C19orf12: variants seen among roughly 807,000 people sequenced by gnomAD.
C19orf12 encodes protein C19orf12.
Under a neutral mutation model 3.8 loss-of-function variants are expected in C19orf12, and 2 were observed. That is an observed-to-expected ratio of 0.53 (90% CI 0.22 to 1.66). The LOEUF (loss-of-function observed/expected upper bound fraction) is 1.66. C19orf12 is among the 40% of genes most tolerant of loss of function. The probability of loss-of-function intolerance (pLI) is 0.20; values close to 1 mark genes in which losing one functional copy is unlikely to be tolerated. For synonymous variants in C19orf12, 89 were observed against 84.6 expected, an observed-to-expected ratio of 1.05 and a Z score of -0.28; for missense variants, 156 against 188.8, an observed-to-expected ratio of 0.83 and a Z score of 1.02.
Position 29,708,276 on chromosome 19 carries a change from G to A in C19orf12, c.138C>T (p.Gly46=), listed in dbSNP as rs552916460. The change falls in exon 2 of 3, where the codon GGC becomes GGT. Residue 46 remains glycine (G), a synonymous_variant. Coordinates refer to ENST00000323670, the MANE Select transcript of C19orf12 (RefSeq NM_031448.6). ...GAMAFVGGLV[G]GPPGLAVGGA... ...TACCAACGGCGAGTCCCGGTGGGCC[G>A]CCCACCAAACCCCCGACGAAGGCCA... 8 of 1,612,524 alleles carry A rather than the reference G, an allele frequency of 5.0e-6. No individual in the cohort carries two copies. Among genetic ancestry groups the A allele is most frequent in the South Asian group, 1.1e-5 (1 of 91,048 alleles).
At chr19:29,710,302 G>A (rs994672035) in intron 1 of C19orf12, among the ~76,000 whole-genome samples, 1 of 152,170 alleles carries the variant, frequency 6.6e-6, no homozygotes, top group Non-Finnish European at 1.5e-5. Context: ...GCAAAGCCAG[G>A]TCCTCAGAAC....
In C19orf12 at chr19:29,699,068, C is replaced by T. The variant is rs1381325363; in HGVS notation, c.*3644G>A. 8.8e-6 allele frequency: 4 copies of T among 453,734 alleles called. No individual in the cohort carries two copies. In the Admixed American group the frequency reaches 9.4e-5, roughly 11 times the overall value. 28.1% of individuals were successfully genotyped at this position (453,734 alleles called of 1,614,324 possible). A position where few individuals can be genotyped will look rare whatever the true frequency, so the allele number is the denominator to read the frequency against. ...ACAGTGGAATATTATGCAGCCATTACAAATATTTACAAGGAATTTTAAATT... is the reference window on the plus strand; with the variant it reads ...ACAGTGGAATATTATGCAGCCATTATAAATATTTACAAGGAATTTTAAATT... On this transcript the variant is annotated 3_prime_UTR_variant, in exon 3 of 3. Coordinates refer to ENST00000323670, the MANE Select transcript of C19orf12 (RefSeq NM_031448.6).
chr19:29,712,611 C>T (rs758604026), intron 1 of C19orf12, among the ~76,000 whole-genome samples: 3 of 152,058 alleles, frequency 2.0e-5, no homozygotes, highest in Non-Finnish European at 2.9e-5. Context: ...AACAGTGGGG[C>T]GGGGGACTCA....
rs369833798 is a variant in C19orf12 at position 29,706,854 on chromosome 19, G to A, written c.160+1400C>T. ...GAACCCGGCCAGCGAGCTGGGGAACGGAAGCCAACCTCAGCAGAAAAGTTC... is the reference window on the plus strand; with the variant it reads ...GAACCCGGCCAGCGAGCTGGGGAACAGAAGCCAACCTCAGCAGAAAAGTTC... On this transcript the variant is annotated intron_variant, in intron 2 of 2. Coordinates refer to ENST00000323670, the MANE Select transcript of C19orf12 (RefSeq NM_031448.6). Among the ~76,000 whole-genome samples the A allele has an allele frequency of 6.6e-5, 10 of 152,340 alleles. No homozygotes were observed. In the South Asian group the frequency reaches 8.3e-4, roughly 13 times the overall value.
chr19:29,703,067 A>G, intron 2 of C19orf12, 90 bp from the exon 3 acceptor site: 1 of 1,543,158 alleles, frequency 6.5e-7, no homozygotes, highest in Non-Finnish European at 9.0e-7. Context: ...CACCATCACC[A>G]TGAGCAGGCA....
At chr19:29,714,668 A>C in intron 1 of C19orf12, among the ~76,000 whole-genome samples, 1 of 149,374 alleles carries the variant, frequency 6.7e-6, no homozygotes, top group African/African-American at 2.5e-5. Context: ...TATAATACCT[A>C]GCACCCCACC....
chr19:29,711,796 G>T (rs1045771029), intron 1 of C19orf12, among the ~76,000 whole-genome samples: 3 of 152,080 alleles, frequency 2.0e-5, no homozygotes, highest in Non-Finnish European at 4.4e-5. Flanking sequence ...CCTAGCTTCC[G>T]ACCTGCTCCG....
intron 1 of C19orf12, among the ~76,000 whole-genome samples, chr19:29,714,481 A>AAGACT (rs1348235977): frequency 1.3e-5 from 2 of 152,052 alleles, no homozygotes; most frequent in African/African-American, 4.8e-5. Context: ...ACAACAGAGC[A>AAGACT]AGACTGTCTA....
At chr19:29,714,023 T>C (rs1393211102) in intron 1 of C19orf12, among the ~76,000 whole-genome samples, 2 of 151,958 alleles carry the variant, frequency 1.3e-5, no homozygotes, top group African/African-American at 4.8e-5. Flanking sequence ...TCTTTCCCTC[T>C]CCCCTTCCTT....
At chr19:29,711,923 A>G (rs1972701453) in intron 1 of C19orf12, among the ~76,000 whole-genome samples, 1 of 152,314 alleles carries the variant, frequency 6.6e-6, no homozygotes, top group African/African-American at 2.4e-5. Flanking sequence ...AGAGAAATCA[A>G]TTAGGCAAAT....
At chr19:29,711,929 C>T (rs559955318) in intron 1 of C19orf12, among the ~76,000 whole-genome samples, 1 of 152,276 alleles carries the variant, frequency 6.6e-6, no homozygotes, top group East Asian at 1.9e-4. Flanking sequence ...ATCAATTAGG[C>T]AAATAGTTAG....
At chr19:29,715,328 T>G, upstream of C19orf12, 1 of 390,086 alleles carries the variant, frequency 2.6e-6, no homozygotes, top group South Asian at 1.8e-5. Flanking sequence ...CCGGGCCAGC[T>G]CCTGGCTCCG....
rs780102675 is a variant in C19orf12, at chr19:29,702,550, C to T, written c.*162G>A. On this transcript the variant is annotated 3_prime_UTR_variant, in exon 3 of 3. Coordinates refer to ENST00000323670, the MANE Select transcript of C19orf12 (RefSeq NM_031448.6). ...TTCATCAGTAATTTCTGGAACATGACACTGCACAGCGGTGGCCTCTCCAGC... is the reference window on the plus strand; with the variant it reads ...TTCATCAGTAATTTCTGGAACATGATACTGCACAGCGGTGGCCTCTCCAGC... 20 of 952,726 alleles carry T rather than the reference C, an allele frequency of 2.1e-5. No individual in the cohort carries two copies. Among genetic ancestry groups the T allele is most frequent in the Middle Eastern group, 3.1e-4 (1 of 3,232 alleles). 59.0% of individuals were successfully genotyped at this position (952,726 alleles called of 1,614,324 possible).
intron 2 of C19orf12, among the ~76,000 whole-genome samples, chr19:29,706,609 G>A (rs944927421): frequency 9.9e-5 from 15 of 152,174 alleles, no homozygotes; most frequent in African/African-American, 3.6e-4. Flanking sequence ...CAGTGTCATC[G>A]AGGAAGAAGG....
chr19:29,710,844 G>A (rs951383797), intron 1 of C19orf12, among the ~76,000 whole-genome samples: 7 of 152,064 alleles, frequency 4.6e-5, no homozygotes, highest in African/African-American at 1.7e-4. Context: ...CTATTCCAGT[G>A]GTCAAGATTT....
chr19:29,705,485 G>T, intron 2 of C19orf12: 3 of 249,988 alleles, frequency 1.2e-5, no homozygotes, highest in Admixed American at 9.7e-5. Context: ...TAATAGTAAT[G>T]TATTCGTTGG....
intron 1 of C19orf12, among the ~76,000 whole-genome samples, chr19:29,712,036 C>T (rs1159476827): frequency 1.3e-5 from 2 of 152,172 alleles, no homozygotes; most frequent in East Asian, 1.9e-4. Flanking sequence ...AGCTCTAACA[C>T]AGAAAGCGGG....
rs771624887 is a variant in C19orf12, at chr19:29,702,357, T to C, written c.*355A>G. On this transcript the variant is annotated 3_prime_UTR_variant, in exon 3 of 3. Transcript: ENST00000323670. The stretch of plus-strand genomic sequence containing the variant: ...AGAAGGCCCCGGGGGGAGGATGAAG[T>C]GTGGTCAGACCGTCGGCTGAGCGTG... 35 of 499,086 alleles carry C rather than the reference T, an allele frequency of 7.0e-5. No homozygotes were observed. Among genetic ancestry groups the C allele is most frequent in the Middle Eastern group, 5.8e-4 (1 of 1,714 alleles). The allele number at this position is 499,086 out of a possible 1,614,324, so 30.9% of individuals were successfully genotyped here.
intron 1 of C19orf12, among the ~76,000 whole-genome samples, chr19:29,709,793 G>A (rs1452353446): frequency 6.6e-6 from 1 of 152,088 alleles, no homozygotes. Context: ...GCCTCTCAAA[G>A]TGTTAGGATT....
Sources: gnomAD v4.1 joint callset for allele counts (sites outside exome capture counted in the v4.1 genomes callset) on GRCh38, gnomAD v4.1.1 for gene constraint, MANE v1.5 for transcripts, NCBI Gene and HGNC (gene_info 2026-07-23, HGNC 2026-07-21) for gene names.